Variants in JADE3 observed in about 807,000 individuals in gnomAD.
JADE3 encodes the protein jade family PHD finger 3, also known as protein Jade-3.
A neutral mutation model predicts 50.1 loss-of-function variants in JADE3; 2 were observed. That is an observed-to-expected ratio of 0.04 (90% CI 0.02 to 0.13). The LOEUF (loss-of-function observed/expected upper bound fraction) is 0.13, where lower values mean the gene tolerates loss of function less well. Ranked by LOEUF, JADE3 falls within the 10% of genes least tolerant of loss-of-function variation. The pLI is 1.00. For synonymous variants in JADE3, 218 were observed against 232.9 expected (o/e 0.94, Z 0.58); for missense variants, 475 against 634.4 (o/e 0.75, Z 2.70).
chrX:46,991,606 A>G (rs1295390042), intron 3 of JADE3, among the ~76,000 whole-genome samples: 6 of 111,612 alleles, frequency 5.4e-5, no homozygotes, highest in Admixed American at 9.5e-5. Flanking sequence ...TAGTAACTCT[A>G]CTTAACCATT....
chrX:47,015,457 G>A (rs1456116995), intron 4 of JADE3, among the ~76,000 whole-genome samples: 2 of 108,927 alleles, frequency 1.8e-5, no homozygotes, highest in East Asian at 5.8e-4. Context: ...GGTGGCTTAT[G>A]CCTGTAATCC....
intron 1 of JADE3, among the ~76,000 whole-genome samples, chrX:46,926,019 C>A (rs1337366479): frequency 1.3e-5 from 1 of 76,292 alleles, no homozygotes; most frequent in Non-Finnish European, 2.3e-5. Context: ...CCATGCCCAG[C>A]TAATTTTATT....
chrX:47,050,856 C>T (rs1929489310), intron 8 of JADE3, among the ~76,000 whole-genome samples: 1 of 111,908 alleles, frequency 8.9e-6, no homozygotes, highest in African/African-American at 3.2e-5. Context: ...GTACTGTGCC[C>T]AACACTTTAA....
At chrX:46,921,024 C>T (rs1556337620) in intron 1 of JADE3, among the ~76,000 whole-genome samples, 1 of 111,743 alleles carries the variant, frequency 8.9e-6, no homozygotes, top group Non-Finnish European at 1.9e-5. Context: ...AAGCAGTCTT[C>T]CCACTTTGGC....
chrX:47,052,299 T>C (rs1286062216), intron 8 of JADE3, among the ~76,000 whole-genome samples: 1 of 108,755 alleles, frequency 9.2e-6, no homozygotes, highest in Non-Finnish European at 1.9e-5. Context: ...TATTATAAAC[T>C]TAATTTCAGA....
At chrX:46,922,941 A>G (rs1926255468) in intron 1 of JADE3, among the ~76,000 whole-genome samples, 1 of 111,511 alleles carries the variant, frequency 9.0e-6, no homozygotes, top group South Asian at 3.7e-4. Flanking sequence ...TAAATATTTG[A>G]TATGTTTGGA....
intron 1 of JADE3, among the ~76,000 whole-genome samples, chrX:46,963,020 G>A (rs1329454995): frequency 9.0e-6 from 1 of 110,875 alleles, no homozygotes; most frequent in Non-Finnish European, 1.9e-5. Context: ...TGTATTGTTA[G>A]TAGAGACGGG....
At chrX:46,937,513 A>G (rs1164594014) in intron 1 of JADE3, among the ~76,000 whole-genome samples, 2 of 111,760 alleles carry the variant, frequency 1.8e-5, no homozygotes, top group African/African-American at 6.5e-5. Flanking sequence ...TCCAAGTGTA[A>G]TTGGATTTTT....
chrX:46,918,320 A>G (rs1489252252), intron 1 of JADE3, among the ~76,000 whole-genome samples: 1 of 112,303 alleles, frequency 8.9e-6, no homozygotes, highest in Admixed American at 9.4e-5. Context: ...ATATATCATG[A>G]TAAAGATACT....
chrX:47,003,452 A>G (rs1452551525), intron 4 of JADE3, among the ~76,000 whole-genome samples: 1 of 108,922 alleles, frequency 9.2e-6, no homozygotes, highest in African/African-American at 3.3e-5. Context: ...CACCAAGTTG[A>G]TCAGGGATTA....
intron 4 of JADE3, among the ~76,000 whole-genome samples, chrX:47,022,632 G>A (rs1335963375): frequency 9.0e-6 from 1 of 111,343 alleles, no homozygotes; most frequent in East Asian, 2.8e-4. Flanking sequence ...GAAGCCTTCC[G>A]GAGAAATGAT....
At chrX:46,971,344 G>C (rs2147124621) in intron 1 of JADE3, among the ~76,000 whole-genome samples, 1 of 108,036 alleles carries the variant, frequency 9.3e-6, no homozygotes, top group East Asian at 3.0e-4. Flanking sequence ...TGAAACTCCT[G>C]ACCTCAAGTG....
In JADE3 at chrX:47,059,013, C is replaced by T. The variant is rs782146002; in HGVS notation, c.2408C>T (p.Ser803Phe). The part of the protein sequence containing the change: ...SSDRENPPHD[S>F]RRDCHGKSKT... ...GACAGGGAAAATCCTCCCCATGACTCTAGACGGGATTGCCATGGTAAAAGC... is the reference window on the plus strand; with the variant it reads ...GACAGGGAAAATCCTCCCCATGACTTTAGACGGGATTGCCATGGTAAAAGC... The change falls in exon 11 of 11, where the codon TCT (serine) becomes TTT (phenylalanine). Residue 803 changes from serine to phenylalanine, a missense_variant. This residue lies in a region of JADE3 where 243 missense variants were observed against 238.2 expected (regional missense o/e 1.02). Coordinates refer to ENST00000614628, the MANE Select transcript of JADE3 (RefSeq NM_014735.5). The T allele has an allele frequency of 8.3e-7, 1 of 1,206,854 alleles. No individual in the cohort carries two copies. The highest frequency in any genetic ancestry group is 2.2e-5 in the Admixed American group (1 of 45,675).
intron 1 of JADE3, among the ~76,000 whole-genome samples, chrX:46,983,540 C>T (rs1026847219): frequency 7.2e-5 from 8 of 111,048 alleles, no homozygotes; most frequent in African/African-American, 9.8e-5. Flanking sequence ...TAGCTGGGAA[C>T]GGGATAAGAG....
chrX:46,998,556 C>A (rs945732790), intron 4 of JADE3, among the ~76,000 whole-genome samples: 12 of 110,773 alleles, frequency 1.1e-4, no homozygotes, highest in African/African-American at 3.9e-4. Context: ...ACAAGAATTT[C>A]CAAGTCTTGA....
At chrX:47,004,437 T>C (rs1004235784) in intron 4 of JADE3, among the ~76,000 whole-genome samples, 3 of 111,762 alleles carry the variant, frequency 2.7e-5, no homozygotes, top group Non-Finnish European at 5.6e-5. Context: ...TGAGTTCTTT[T>C]TTTTGTTTGT....
In JADE3 at chrX:47,058,504, G is replaced by A. The variant is rs145641249; in HGVS notation, c.1899G>A (p.Gly633=). The A allele has an allele frequency of 5.0e-6, 6 of 1,209,552 alleles. No homozygotes were observed. In the African/African-American group the frequency reaches 1.0e-4, roughly 21 times the overall value. Residue 633 remains glycine, a synonymous_variant, in exon 11 of 11, where the codon GGG becomes GGA. Coordinates refer to ENST00000614628, the MANE Select transcript of JADE3 (RefSeq NM_014735.5). ...CCCCGTCCTCGGAGTGCTATCATGG[G>A]CAGTCACTGGGAAAGCCTCTGGTCC... The part of the protein sequence containing the change: ...WRTPSSECYH[G]QSLGKPLVLQ...
At chrX:46,914,332 G>A (rs1358424385) in intron 1 of JADE3, among the ~76,000 whole-genome samples, 1 of 111,639 alleles carries the variant, frequency 9.0e-6, no homozygotes, top group Non-Finnish European at 1.9e-5. Context: ...CCCGGCCTTC[G>A]TACCCTTTGA....
At chrX:47,044,480 CA>C (rs1424313642) in intron 8 of JADE3, among the ~76,000 whole-genome samples, 1 of 111,354 alleles carries the variant, frequency 9.0e-6, no homozygotes, top group African/African-American at 3.3e-5. Flanking sequence ...CCCAAATAAA[CA>C]AAAGCTGAGG....
Sources: gnomAD v4.1 joint callset for allele counts (sites outside exome capture counted in the v4.1 genomes callset) on GRCh38, gnomAD v4.1.1 for gene constraint, gnomAD v4.1.1 regional missense constraint, MANE v1.5 for transcripts, NCBI Gene and HGNC (gene_info 2026-07-23, HGNC 2026-07-21) for gene names.